The following DPH6 variants were observed in gnomAD, a reference collection of about 807,000 sequenced individuals.
DPH6 encodes the protein diphthamine biosynthesis 6.
DPH6 carries 33 observed loss-of-function variants against 38.2 expected under a neutral mutation model. That is an observed-to-expected ratio of 0.86 (90% CI 0.65 to 1.15). The LOEUF (loss-of-function observed/expected upper bound fraction) is 1.15. Ranked by LOEUF, DPH6 falls within the 50% of genes most tolerant of loss-of-function variation. DPH6 has a pLI of 0.00. For missense variants in DPH6, 325 were observed against 320.0 expected, an observed-to-expected ratio of 1.02 and a Z score of -0.12; for synonymous variants, 108 against 103.0, an observed-to-expected ratio of 1.05 and a Z score of -0.30.
intron 3 of DPH6, among the ~76,000 whole-genome samples, chr15:35,280,456 A>G (rs1291310952): frequency 6.6e-6 from 1 of 152,172 alleles, no homozygotes. Flanking sequence ...TAGAATTTAT[A>G]AAATGGTTAG....
At chr15:35,450,653 C>T (rs1244712366) in intron 5 of DPH6, 32 bp downstream of exon 5, 7 of 1,561,714 alleles carry the variant, frequency 4.5e-6, no homozygotes, top group Admixed American at 3.4e-5. Context: ...TATGTGGCAA[C>T]AAACAGCTCC....
intron 3 of DPH6, among the ~76,000 whole-genome samples, chr15:35,534,377 C>CAAAAAAA (rs55974798): frequency 3.8e-5 from 4 of 104,212 alleles, no homozygotes; most frequent in Admixed American, 9.8e-5. Context: ...AACTCTGTCT[C>CAAAAAAA]AAAAAAAAAA....
At chr15:35,333,609 A>G (rs184545790) in intron 3 of DPH6, among the ~76,000 whole-genome samples, 1 of 152,300 alleles carries the variant, frequency 6.6e-6, no homozygotes, top group African/African-American at 2.4e-5. Flanking sequence ...CACTGAGCGT[A>G]CCTGTAAGAA....
chr15:35,509,433 C>A (rs2054738174), intron 3 of DPH6, among the ~76,000 whole-genome samples: 1 of 152,146 alleles, frequency 6.6e-6, no homozygotes, highest in South Asian at 2.1e-4. Context: ...TTTCTTAAAT[C>A]CTGAAGGAGC....
intron 3 of DPH6, among the ~76,000 whole-genome samples, chr15:35,499,463 G>C (rs1449738664): frequency 6.6e-6 from 1 of 152,068 alleles, no homozygotes; most frequent in African/African-American, 2.4e-5. Context: ...TCATTACACA[G>C]AATACAGAAA....
intron 5 of DPH6, among the ~76,000 whole-genome samples, chr15:35,436,499 C>A (rs796707294): frequency 0.18 from 3,967 of 21,550 alleles, 204 homozygotes; most frequent in East Asian, 0.39. Flanking sequence ...CAAAACAAAA[C>A]AAAACAAAAC....
At chr15:35,334,083 G>A (rs375175659) in intron 3 of DPH6, among the ~76,000 whole-genome samples, 5 of 151,880 alleles carry the variant, frequency 3.3e-5, no homozygotes, top group East Asian at 1.9e-4. Flanking sequence ...AACAGGCCAC[G>A]GATGTCCATT....
the DPH6 span, among the ~76,000 whole-genome samples, chr15:35,163,932 T>C: frequency 2.0e-5 from 3 of 151,764 alleles, no homozygotes; most frequent in Non-Finnish European, 2.9e-5. Context: ...TACTATAATA[T>C]ACTATACTAA....
chr15:35,157,409 G>A, the DPH6 span, among the ~76,000 whole-genome samples: 1 of 152,066 alleles, frequency 6.6e-6, no homozygotes, highest in Non-Finnish European at 1.5e-5. Context: ...AAATTAATGT[G>A]TATGTTTAAA....
chr15:35,413,734 A>G (rs1370361147), intron 5 of DPH6, among the ~76,000 whole-genome samples: 1 of 151,646 alleles, frequency 6.6e-6, no homozygotes, highest in Non-Finnish European at 1.5e-5. Context: ...ATATGACTCC[A>G]AAGAATTGAG....
chr15:35,307,030 T>G (rs1458741194), intron 3 of DPH6, among the ~76,000 whole-genome samples: 2 of 152,168 alleles, frequency 1.3e-5, no homozygotes, highest in Non-Finnish European at 2.9e-5. Flanking sequence ...GCTTTTATAG[T>G]ATGACTGTGC....
intron 3 of DPH6, among the ~76,000 whole-genome samples, chr15:35,363,709 C>A (rs1436762118): frequency 1.3e-5 from 2 of 151,688 alleles, no homozygotes; most frequent in African/African-American, 2.4e-5. Context: ...ACTGTTTTGC[C>A]TTTTTTCTTT....
At chr15:35,234,286 G>C (rs2051537634) in intron 3 of DPH6, among the ~76,000 whole-genome samples, 1 of 152,210 alleles carries the variant, frequency 6.6e-6, no homozygotes. Context: ...AAGCATGATA[G>C]TAAGGCCTCT....
intron 3 of DPH6, among the ~76,000 whole-genome samples, chr15:35,530,257 G>A (rs1170099436): frequency 1.3e-5 from 2 of 151,950 alleles, no homozygotes; most frequent in Non-Finnish European, 2.9e-5. Flanking sequence ...AACTCCAGAA[G>A]GAGACATCTA....
At chr15:35,400,685 G>A (rs1447327423) in intron 6 of DPH6, 10 of 649,734 alleles carry the variant, frequency 1.5e-5, no homozygotes, top group Non-Finnish European at 2.8e-5. Flanking sequence ...TCTTCCCCCT[G>A]CCATCATGTC....
chr15:35,352,900 G>A (rs1697844911), intron 3 of DPH6, among the ~76,000 whole-genome samples: 1 of 152,214 alleles, frequency 6.6e-6, no homozygotes. Flanking sequence ...CCCACCAACA[G>A]TGTAAAAGTG....
chr15:35,196,372 A>G, the DPH6 span, among the ~76,000 whole-genome samples: 1 of 152,124 alleles, frequency 6.6e-6, no homozygotes, highest in African/African-American at 2.4e-5. Flanking sequence ...TCCTTGATAG[A>G]GATGCTAAGC....
chr15:35,317,849 A>G (rs1306575553), intron 3 of DPH6, among the ~76,000 whole-genome samples: 1 of 152,164 alleles, frequency 6.6e-6, no homozygotes, highest in Non-Finnish European at 1.5e-5. Context: ...GAAAAGTTAT[A>G]TTACGTTGTA....
At chr15:35,423,429 T>C (rs75543703) in intron 5 of DPH6, among the ~76,000 whole-genome samples, 3,431 of 151,918 alleles carry the variant, frequency 0.023, 48 homozygotes, top group Non-Finnish European at 0.035. Context: ...GAGTTCCTTA[T>C]ATATTTTAAA....
Sources: gnomAD v4.1 joint callset for allele counts (sites outside exome capture counted in the v4.1 genomes callset) on GRCh38, gnomAD v4.1.1 for gene constraint, MANE v1.5 for transcripts, NCBI Gene and HGNC (gene_info 2026-07-23, HGNC 2026-07-21) for gene names.